Variants in EXOSC4 observed in about 807,000 individuals in gnomAD.
EXOSC4 encodes exosome complex component RRP41.
EXOSC4 carries 14 observed loss-of-function variants against 20.0 expected under a neutral mutation model. The ratio of observed to expected loss-of-function variants is 0.70; its 90% CI spans 0.46 to 1.09. The LOEUF (loss-of-function observed/expected upper bound fraction) is 1.09. Ranked by LOEUF, EXOSC4 falls within the 50% of genes least tolerant of loss-of-function variation. The probability of loss-of-function intolerance (pLI) is 0.00; values close to 1 mark genes in which losing one functional copy is unlikely to be tolerated. For synonymous variants in EXOSC4, 148 were observed against 146.4 expected (o/e 1.01, Z -0.08); for missense variants, 337 against 334.0 (o/e 1.01, Z -0.07).
rs781995308 is a variant in EXOSC4, at chr8:144,078,752, G to T, written c.24G>T (p.Ser8=). The change falls in exon 1 of 3, where the codon TCG becomes TCT. Residue 8 remains serine, a synonymous_variant. Coordinates refer to ENST00000316052, the MANE Select transcript of EXOSC4 (RefSeq NM_019037.3). The surrounding 1 kb of genome is among the most constrained non-coding windows in gnomAD (Gnocchi z 4.7). MAGLELL[S]DQGYRVDGRR... The stretch of plus-strand genomic sequence containing the variant: ...GCATGGCGGGGCTGGAGCTCTTGTC[G>T]GACCAGGGCTACCGGGTGGACGGGC... 6.7e-7 allele frequency: 1 copy of T among 1,490,278 alleles called. No individual in the cohort carries two copies. The highest frequency in any genetic ancestry group is 8.9e-7 in the Non-Finnish European group (1 of 1,119,350). The allele number at this position is 1,490,278 out of a possible 1,614,324, so 92.3% of individuals were successfully genotyped here. A position where few individuals can be genotyped will look rare whatever the true frequency, so the allele number is the denominator to read the frequency against.
chr8:144,079,916 C>G (rs782559077), intron 1 of EXOSC4, 27 bp from the exon 2 acceptor site: 2 of 1,610,086 alleles, frequency 1.2e-6, no homozygotes, highest in Non-Finnish European at 1.7e-6. Flanking sequence ...AGGAGTGGGC[C>G]TGGCTCATGT....
the EXOSC4 span, among the ~76,000 whole-genome samples, chr8:144,069,881 C>T: frequency 1.3e-5 from 2 of 152,212 alleles, no homozygotes; most frequent in Non-Finnish European, 2.9e-5. Flanking sequence ...CAAGATTGAG[C>T]CTATTGGGTT....
upstream of EXOSC4, among the ~76,000 whole-genome samples, chr8:144,075,521 C>T (rs1230417712): frequency 2.0e-5 from 3 of 152,040 alleles, no homozygotes; most frequent in East Asian, 1.9e-4. Context: ...CCACCGCGCC[C>T]GGCCCATGTC....
chr8:144,074,536 A>C (rs1479327509), upstream of EXOSC4, among the ~76,000 whole-genome samples: 1 of 152,104 alleles, frequency 6.6e-6, no homozygotes, highest in East Asian at 1.9e-4. Context: ...ACCCAAACTC[A>C]AATTCATTTT....
upstream of EXOSC4, chr8:144,078,459 CAGA>C (rs1418308957): frequency 9.1e-6 from 3 of 329,200 alleles, no homozygotes; most frequent in Admixed American, 9.9e-5. This position sits in a 1 kb window ranked among gnomAD's most constrained non-coding sequence, Gnocchi z 4.7. Flanking sequence ...TCCCCGGAGA[CAGA>C]AGTAGAGCCG....
At chr8:144,071,915 G>A in the EXOSC4 span, among the ~76,000 whole-genome samples, 1 of 152,242 alleles carries the variant, frequency 6.6e-6, no homozygotes, top group East Asian at 1.9e-4. Flanking sequence ...AGGAGGTCGA[G>A]GCTGCAGAGA....
the EXOSC4 span, among the ~76,000 whole-genome samples, chr8:144,067,663 C>T: frequency 6.6e-6 from 1 of 152,166 alleles, no homozygotes; most frequent in South Asian, 2.1e-4. Flanking sequence ...TTTAGGAAAA[C>T]CACTTTTGAA....
At chr8:144,078,500 G>C (rs1587585870), upstream of EXOSC4, 1 of 400,820 alleles carries the variant, frequency 2.5e-6, no homozygotes, top group Admixed American at 4.6e-5. This position sits in a 1 kb window ranked among gnomAD's most constrained non-coding sequence, Gnocchi z 4.7. Flanking sequence ...GATCCGGGGA[G>C]GTCGGGGCCG....
chr8:144,072,572 C>G, the EXOSC4 span, among the ~76,000 whole-genome samples: 2 of 152,330 alleles, frequency 1.3e-5, no homozygotes, highest in Middle Eastern at 3.4e-3. Flanking sequence ...ACGCACCATT[C>G]CCAGTCTCTG....
upstream of EXOSC4, among the ~76,000 whole-genome samples, chr8:144,077,368 G>A (rs1835845588): frequency 6.6e-6 from 1 of 152,250 alleles, no homozygotes; most frequent in Non-Finnish European, 1.5e-5. Context: ...GTAGAGCAGA[G>A]GGTGGGGAAT....
chr8:144,066,743 G>C, the EXOSC4 span, among the ~76,000 whole-genome samples: 1 of 152,002 alleles, frequency 6.6e-6, no homozygotes, highest in African/African-American at 2.4e-5. Context: ...GAGCCACCAA[G>C]CCTGGCCTGG....
At chr8:144,069,940 A>G in the EXOSC4 span, among the ~76,000 whole-genome samples, 1 of 152,338 alleles carries the variant, frequency 6.6e-6, no homozygotes, top group East Asian at 1.9e-4. Flanking sequence ...CAGAGCATTA[A>G]TTAGGGGAAC....
At chr8:144,065,563 T>C in the EXOSC4 span, among the ~76,000 whole-genome samples, 3 of 151,528 alleles carry the variant, frequency 2.0e-5, no homozygotes, top group Non-Finnish European at 4.4e-5. Flanking sequence ...ACCCCATCTC[T>C]ACTAAAAAAA....
At chr8:144,079,524 A>G (rs1381052209) in intron 1 of EXOSC4, 6 of 360,616 alleles carry the variant, frequency 1.7e-5, no homozygotes, top group Non-Finnish European at 3.2e-5. Context: ...TGCAGAGCAG[A>G]AAGACTGCTG....
At chr8:144,071,308 C>T in the EXOSC4 span, among the ~76,000 whole-genome samples, 7 of 111,290 alleles carry the variant, frequency 6.3e-5, no homozygotes, top group African/African-American at 1.1e-4. Context: ...TCCTCCCCTC[C>T]GCTCCCCTCT....
At chr8:144,069,969 A>T in the EXOSC4 span, among the ~76,000 whole-genome samples, 25 of 152,362 alleles carry the variant, frequency 1.6e-4, no homozygotes, top group South Asian at 4.1e-4. Flanking sequence ...AGAGAGCTGC[A>T]GCAGTCCTTG....
At chr8:144,075,975 A>G (rs1164519992), upstream of EXOSC4, among the ~76,000 whole-genome samples, 4 of 152,242 alleles carry the variant, frequency 2.6e-5, no homozygotes, top group Non-Finnish European at 5.9e-5. Context: ...GCAAGTTTGA[A>G]GAGTGGGTGT....
rs781991372 is a variant in EXOSC4 at position 144,080,582 on chromosome 8, C to G, written c.719C>G (p.Ser240Cys). The G allele has an allele frequency of 1.3e-6, 2 of 1,598,628 alleles. No individual in the cohort carries two copies. The highest frequency in any genetic ancestry group is 2.2e-5 in the East Asian group (1 of 44,866). ...RVVRQHVREA[S>C]ILLGD Reference sequence around the variant, plus strand: ...GTCCGGCAGCATGTGCGTGAGGCCTCTATCTTGCTGGGGGACTGACCACCC... The same window carrying G: ...GTCCGGCAGCATGTGCGTGAGGCCTGTATCTTGCTGGGGGACTGACCACCC... Residue 240 changes from serine to cysteine, a missense_variant, in exon 3 of 3, where the codon TCT becomes TGT. By Grantham distance (112) the Ser-to-Cys change is moderately radical. Transcript: ENST00000316052. This position sits in a 1 kb window ranked among gnomAD's most constrained non-coding sequence, Gnocchi z 4.9.
rs781965076 is a variant in EXOSC4 at position 144,078,819 on chromosome 8, G to C, written c.91G>C (p.Val31Leu). The C allele has an allele frequency of 6.3e-7, 1 of 1,580,426 alleles. No homozygotes were observed. The highest frequency in any genetic ancestry group is 1.8e-5 in the Admixed American group (1 of 56,276). ...ELRKIQARMG[V>L]FAQADGSAYI... ...GCGCAAGATCCAGGCGCGGATGGGCGTGTTCGCGCAGGCTGACGGCTCGGC... is the reference window on the plus strand; with the variant it reads ...GCGCAAGATCCAGGCGCGGATGGGCCTGTTCGCGCAGGCTGACGGCTCGGC... The change falls in exon 1 of 3, where the codon GTG becomes CTG. Residue 31 changes from valine (V) to leucine (L), a missense_variant. By Grantham distance (32) the Val-to-Leu change is conservative. Transcript: ENST00000316052. This position sits in a 1 kb window ranked among gnomAD's most constrained non-coding sequence, Gnocchi z 4.7.
Sources: allele counts gnomAD v4.1 joint callset (sites outside exome capture counted in the v4.1 genomes callset), GRCh38; gene constraint gnomAD v4.1.1; non-coding constraint Gnocchi (gnomAD v3.1); transcripts MANE v1.5; gene names NCBI Gene and HGNC (gene_info 2026-07-23, HGNC 2026-07-21).